NFKBIE: variants seen among roughly 807,000 people sequenced by gnomAD.
NFKBIE encodes the protein NF-kappa-B inhibitor epsilon.
Under a neutral mutation model 31.6 loss-of-function variants are expected in NFKBIE, and 11 were observed. The ratio of observed to expected loss-of-function variants is 0.35; its 90% CI spans 0.22 to 0.58. NFKBIE has a LOEUF of 0.58. NFKBIE is among the 20% of genes least tolerant of loss of function. The probability of loss-of-function intolerance (pLI) is 0.83; values close to 1 mark genes in which losing one functional copy is unlikely to be tolerated. For synonymous variants in NFKBIE, 208 were observed against 210.1 expected (o/e 0.99, Z 0.09); for missense variants, 354 against 465.7 (o/e 0.76, Z 2.21).
chr6:44,261,417 T>C lies in NFKBIE; in HGVS notation c.691+209A>G, dbSNP rs1156949000. 6.6e-6 allele frequency among the ~76,000 whole-genome samples: 1 copy of C among 152,252 alleles called. No homozygotes were observed. Among genetic ancestry groups the C allele is most frequent in the Non-Finnish European group, 1.5e-5 (1 of 68,046 alleles). On this transcript the variant is annotated intron_variant, in intron 3 of 5. Coordinates refer to ENST00000619360, the MANE Select transcript of NFKBIE (RefSeq NM_004556.3). This position sits in a 1 kb window ranked among gnomAD's most constrained non-coding sequence, Gnocchi z 4.3. ...ATCTTAAGGGCAAGATTTAGTTTTC[T>C]TCTCAGCAGGCAGTAGGTACTGGTT...
rs1481300414 is a variant in NFKBIE at position 44,263,115 on chromosome 6, T to C, written c.366-453A>G. ...CACCCCGTACCCCCAAGCAACTCAGTGTTACACATTCCAAGGGAGAGACAC... is the reference window on the plus strand; with the variant it reads ...CACCCCGTACCCCCAAGCAACTCAGCGTTACACATTCCAAGGGAGAGACAC... On this transcript the variant is annotated intron_variant, in intron 1 of 5. Coordinates refer to ENST00000619360, the MANE Select transcript of NFKBIE (RefSeq NM_004556.3). The surrounding 1 kb of genome is among the most constrained non-coding windows in gnomAD (Gnocchi z 5.0). Among the ~76,000 whole-genome samples the C allele has an allele frequency of 1.3e-5, 2 of 152,160 alleles. No individual in the cohort carries two copies.
Position 44,259,247 on chromosome 6 carries a change from G to T in NFKBIE, c.1058C>A (p.Ser353Ter). ...VLLPFDDLKI[S>*]GKLLLCTD ...GTCGGTACACAGCAGCAGTTTCCCTGAGATCTTCAGGTCATCAAAGGGCAA... is the reference window on the plus strand; with the variant it reads ...GTCGGTACACAGCAGCAGTTTCCCTTAGATCTTCAGGTCATCAAAGGGCAA... The change falls in exon 6 of 6, where the codon TCA becomes TAA. Residue 353 changes from serine to a stop codon, truncating the protein, a stop_gained. Coordinates refer to ENST00000619360, the MANE Select transcript of NFKBIE (RefSeq NM_004556.3). LOFTEE classifies it high-confidence loss of function. 6.2e-7 allele frequency: 1 copy of T among 1,613,722 alleles called. No individual in the cohort carries two copies. Among genetic ancestry groups the T allele is most frequent in the South Asian group, 1.1e-5 (1 of 91,048 alleles).
chr6:44,260,383 A>G lies in NFKBIE; in HGVS notation c.780+68T>C, dbSNP rs1583008257. On this transcript the variant is annotated intron_variant, in intron 4 of 5. Coordinates refer to ENST00000619360, the MANE Select transcript of NFKBIE (RefSeq NM_004556.3). This position sits in a 1 kb window ranked among gnomAD's most constrained non-coding sequence, Gnocchi z 5.5. ...ATGCCACCACTTCTGACTGCTGGGC[A>G]GGGGACTTGGGGATGTGTCAGGTGG... 1 of 1,613,286 alleles carries G rather than the reference A, an allele frequency of 6.2e-7. No homozygotes were observed. Among genetic ancestry groups the G allele is most frequent in the East Asian group, 2.2e-5 (1 of 44,872 alleles).
In NFKBIE at chr6:44,263,987, C is replaced by A. The variant is rs1782021686; in HGVS notation, c.365+995G>T. ...TGATCCAGGCAGAGTACAGAAAGGA[C>A]TGGGTCACTCCTCTCCCACCCACTG... On this transcript the variant is annotated intron_variant, in intron 1 of 5. Transcript: ENST00000619360. The surrounding 1 kb of genome is among the most constrained non-coding windows in gnomAD (Gnocchi z 5.0). 6.6e-6 allele frequency among the ~76,000 whole-genome samples: 1 copy of A among 152,106 alleles called. No homozygotes were observed. The highest frequency in any genetic ancestry group is 1.5e-5 in the Non-Finnish European group (1 of 68,004).
Position 44,258,975 on chromosome 6 carries a change from TG to T in NFKBIE, c.*243del. On this transcript the variant is annotated 3_prime_UTR_variant, in exon 6 of 6. Coordinates refer to ENST00000619360, the MANE Select transcript of NFKBIE (RefSeq NM_004556.3). The stretch of plus-strand genomic sequence containing the variant: ...GCAAACAGGCTTCACCCAGGATACC[TG>T]GGGCTTTGGGGGTCTTCCAAGAAGC... 2.6e-6 allele frequency: 1 copy of T among 381,072 alleles called. No individual in the cohort carries two copies. Among genetic ancestry groups the T allele is most frequent in the Non-Finnish European group, 5.0e-6 (1 of 200,670 alleles). 23.6% of individuals were successfully genotyped at this position (381,072 alleles called of 1,614,324 possible).
Position 44,265,549 on chromosome 6 carries a change from A to C in NFKBIE, c.-203T>G, listed in dbSNP as rs1782098307. The C allele has an allele frequency of 9.5e-6, 15 of 1,576,292 alleles. No homozygotes were observed. Among genetic ancestry groups the C allele is most frequent in the Non-Finnish European group, 1.2e-5 (14 of 1,163,118 alleles). ...CGCTGGCCAGGTCCACCCAGCGGTT[A>C]CTGTGGGCAGCCGAACCGCCCAAGC... On this transcript the variant is annotated 5_prime_UTR_variant, in exon 1 of 6. Transcript: ENST00000619360.
At chr6:44,264,367 T>C (rs1782035693) in intron 1 of NFKBIE, among the ~76,000 whole-genome samples, 1 of 152,216 alleles carries the variant, frequency 6.6e-6, no homozygotes, top group Non-Finnish European at 1.5e-5. Context: ...CTGGGGGCTC[T>C]GGAGGTAGAG....
In NFKBIE at chr6:44,264,996, G is replaced by C. The variant is rs2233435; in HGVS notation, c.351C>G (p.Ser117=). Reference sequence around the variant, plus strand: ...CCCATACTCACGTGTCTCCGTCCTCGGAGATGTAAGTGAGTGCTTCCAGCT... The same window carrying C: ...CCCATACTCACGTGTCTCCGTCCTCCGAGATGTAAGTGAGTGCTTCCAGCT... The part of the protein sequence containing the change: ...PQQLEALTYI[S]EDGDTLVHLA... Residue 117 remains serine (S), a synonymous_variant, in exon 1 of 6, where the codon TCC becomes TCG. Transcript: ENST00000619360. 2 of 1,575,364 alleles carry C rather than the reference G, an allele frequency of 1.3e-6. No homozygotes were observed. The highest frequency in any genetic ancestry group is 1.7e-6 in the Non-Finnish European group (2 of 1,160,628).
rs1014094501 is a variant in NFKBIE, at chr6:44,259,965, G to C, written c.1020+78C>G. On this transcript the variant is annotated intron_variant, in intron 5 of 5. Transcript: ENST00000619360. ...TATACCCCAGGACTCCTGGCTCCCTGGCCCTTTCAGCTAATGACAGAACCT... is the reference window on the plus strand; with the variant it reads ...TATACCCCAGGACTCCTGGCTCCCTCGCCCTTTCAGCTAATGACAGAACCT... 2.6e-6 allele frequency: 4 copies of C among 1,552,174 alleles called. No individual in the cohort carries two copies. The African/African-American group carries it at 5.4e-5, about 21-fold the overall frequency.
At position 44,260,856 on chromosome 6, in the gene NFKBIE, T is replaced by C. The variant is rs9394997; in HGVS notation, c.692-317A>G. ...ACACACACACACACACACACACACA[T>C]ACAGACACACACACACACACACACA... On this transcript the variant is annotated intron_variant, in intron 3 of 5. Coordinates refer to ENST00000619360, the MANE Select transcript of NFKBIE (RefSeq NM_004556.3). The surrounding 1 kb of genome is among the most constrained non-coding windows in gnomAD (Gnocchi z 5.5). Among the ~76,000 whole-genome samples the C allele has an allele frequency of 0.49, 43,479 of 88,460 alleles. 7,657 individuals carry two copies. The highest frequency in any genetic ancestry group is 0.67 in the East Asian group (2,624 of 3,906). The allele number at this position is 88,460 out of a possible 152,430, so 58.0% of individuals were successfully genotyped here.
rs1292601225 is a variant in NFKBIE at position 44,263,685 on chromosome 6, C to A, written c.366-1023G>T. On this transcript the variant is annotated intron_variant, in intron 1 of 5. Transcript: ENST00000619360. The surrounding 1 kb of genome is among the most constrained non-coding windows in gnomAD (Gnocchi z 5.0). ...ATCCCCTCCTCCCACTTCCTCTTCCCACTTCCATACCTCCCACAGCCCAGA... is the reference window on the plus strand; with the variant it reads ...ATCCCCTCCTCCCACTTCCTCTTCCAACTTCCATACCTCCCACAGCCCAGA... Among the ~76,000 whole-genome samples the A allele has an allele frequency of 1.3e-5, 2 of 150,914 alleles. No individual in the cohort carries two copies. Among genetic ancestry groups the A allele is most frequent in the African/African-American group, 4.8e-5 (2 of 41,290 alleles).
chr6:44,265,448 GC>G lies in NFKBIE; in HGVS notation c.-103del. On this transcript the variant is annotated 5_prime_UTR_variant, in exon 1 of 6. Transcript: ENST00000619360. ...TGCGGGTCCGCTTGGCAGAGCGGGC[GC>G]CCGGCCCGCGGCGGCCTCCTTCCCG... 6.6e-7 allele frequency: 1 copy of G among 1,509,988 alleles called. No individual in the cohort carries two copies. The highest frequency in any genetic ancestry group is 8.8e-7 in the Non-Finnish European group (1 of 1,136,558). 93.5% of individuals were successfully genotyped at this position (1,509,988 alleles called of 1,614,324 possible).
chr6:44,260,408 G>T lies in NFKBIE; in HGVS notation c.780+43C>A, dbSNP rs763329433. On this transcript the variant is annotated intron_variant, in intron 4 of 5. Coordinates refer to ENST00000619360, the MANE Select transcript of NFKBIE (RefSeq NM_004556.3). This position sits in a 1 kb window ranked among gnomAD's most constrained non-coding sequence, Gnocchi z 5.5. ...AGGGGACTTGGGGATGTGTCAGGTGGGGGCAGGCCCTGGGCCGGGCAGTGC... is the reference window on the plus strand; with the variant it reads ...AGGGGACTTGGGGATGTGTCAGGTGTGGGCAGGCCCTGGGCCGGGCAGTGC... 1 of 1,613,646 alleles carries T rather than the reference G, an allele frequency of 6.2e-7. No homozygotes were observed. Among genetic ancestry groups the T allele is most frequent in the South Asian group, 1.1e-5 (1 of 91,050 alleles).
chr6:44,262,802 A>C, intron 1 of NFKBIE, 140 bp from the exon 2 acceptor site: 1 of 634,750 alleles, frequency 1.6e-6, no homozygotes, highest in Non-Finnish European at 2.8e-6. Flanking sequence ...GTGGGCCAGG[A>C]AGTGAGGGTT....
In NFKBIE at chr6:44,260,870, C is replaced by CAG. The variant is rs1781885823; in HGVS notation, c.692-332_692-331insCT. Among the ~76,000 whole-genome samples the CAG allele has an allele frequency of 4.9e-5, 7 of 142,342 alleles. No individual in the cohort carries two copies. The highest frequency in any genetic ancestry group is 2.3e-4 in the South Asian group (1 of 4,322). The allele number at this position is 142,342 out of a possible 152,430, so 93.4% of individuals were successfully genotyped here. A position where few individuals can be genotyped will look rare whatever the true frequency, so the allele number is the denominator to read the frequency against. On this transcript the variant is annotated intron_variant, in intron 3 of 5. Coordinates refer to ENST00000619360, the MANE Select transcript of NFKBIE (RefSeq NM_004556.3). This position sits in a 1 kb window ranked among gnomAD's most constrained non-coding sequence, Gnocchi z 5.5. ...ACACACACACATACAGACACACACA[C>CAG]ACACACACACACACACACACAACCT...
chr6:44,265,317 C>T lies in NFKBIE; in HGVS notation c.30G>A (p.Glu10=), dbSNP rs1222844719. The change falls in exon 1 of 6, where the codon GAG becomes GAA. Residue 10 remains glutamate, a synonymous_variant. Transcript: ENST00000619360. The stretch of plus-strand genomic sequence containing the variant: ...CAGAGTCGTACTGGCTCTCCTCCGC[C>T]TCGTCCGGCCCCTTCCGCGCCTCCG... MSEARKGPD[E]AEESQYDSGI... 1.3e-6 allele frequency: 2 copies of T among 1,548,098 alleles called. No individual in the cohort carries two copies. The highest frequency in any genetic ancestry group is 1.4e-5 in the African/African-American group (1 of 73,284).
At position 44,264,968 on chromosome 6, in the gene NFKBIE, GC is replaced by G; in HGVS notation, c.365+13del. 1 of 1,555,992 alleles carries G rather than the reference GC, an allele frequency of 6.4e-7. No homozygotes were observed. ...AGAGTTAGCATCCCGATTCAGCCTA[GC>G]CCCCATACTCACGTGTCTCCGTCCT... is the stretch of plus-strand genomic sequence containing the variant. On this transcript the variant is annotated intron_variant, in intron 1 of 5. Transcript: ENST00000619360.
At chr6:44,262,709 G>A (rs1340030890) in intron 1 of NFKBIE, 47 bp from the exon 2 acceptor site, 11 of 1,487,232 alleles carry the variant, frequency 7.4e-6, no homozygotes, top group Admixed American at 1.7e-5. Context: ...CAGGCCAGAG[G>A]GAGTGGGTTG....
rs1407773383 is a variant in NFKBIE, at chr6:44,259,137, C to T, written c.*82G>A. Reference sequence around the variant, plus strand: ...CCTAGGGCACCAGAAGAGCACATAGCCTGGGCCCAAACTGCAGCAGTTATG... The same window carrying T: ...CCTAGGGCACCAGAAGAGCACATAGTCTGGGCCCAAACTGCAGCAGTTATG... On this transcript the variant is annotated 3_prime_UTR_variant, in exon 6 of 6. Coordinates refer to ENST00000619360, the MANE Select transcript of NFKBIE (RefSeq NM_004556.3). 2 of 1,471,090 alleles carry T rather than the reference C, an allele frequency of 1.4e-6. No homozygotes were observed. Among genetic ancestry groups the T allele is most frequent in the Non-Finnish European group, 1.9e-6 (2 of 1,055,242 alleles). 91.1% of individuals were successfully genotyped at this position (1,471,090 alleles called of 1,614,324 possible).
Sources: gnomAD v4.1 joint callset for allele counts (sites outside exome capture counted in the v4.1 genomes callset) on GRCh38, gnomAD v4.1.1 for gene constraint, Gnocchi (gnomAD v3.1) non-coding constraint, MANE v1.5 for transcripts, NCBI Gene and HGNC (gene_info 2026-07-23, HGNC 2026-07-21) for gene names.